The following CIART variants were observed in gnomAD, a reference collection of about 807,000 sequenced individuals.
The protein encoded by CIART is circadian-associated transcriptional repressor.
A neutral mutation model predicts 22.1 loss-of-function variants in CIART; 7 were observed. The ratio of observed to expected loss-of-function variants is 0.32; its 90% confidence interval spans 0.18 to 0.59. The LOEUF is 0.59. Among genes scored for constraint, CIART ranks in the 20% least tolerant of loss-of-function variants. The pLI is 0.86. For missense variants in CIART, 440 were observed against 478.0 expected (o/e 0.92, Z 0.74); for synonymous variants, 163 against 174.6 (o/e 0.93, Z 0.53).
At chr1:150,283,936 C>T in intron 2 of CIART, 56 bp downstream of exon 2, 1 of 1,367,886 alleles carries the variant, frequency 7.3e-7, no homozygotes, top group Non-Finnish European at 1.0e-6. Context: ...CTCTTTCCCT[C>T]TTTTGACGTG....
chr1:150,286,312 G>A (rs760383439), intron 4 of CIART, 118 bp from the exon 5 acceptor site: 63 of 889,912 alleles, frequency 7.1e-5, no homozygotes, highest in Middle Eastern at 5.4e-4. Flanking sequence ...TGCATAAAAC[G>A]AGGTATGTTT....
At position 150,284,873 on chromosome 1, in the gene CIART, TTTGTTG is replaced by T. The variant is rs3054391; in HGVS notation, c.633+186_633+191del. On this transcript the variant is annotated intron_variant, in intron 4 of 4. Coordinates refer to ENST00000290363, the MANE Select transcript of CIART (RefSeq NM_144697.4). Reference sequence around the variant, plus strand: ...CTGCATTGTCTTGATTCCTACATGTTTTGTTGTTGTTGTTGTTGTTGTTGTTTTGTT... The same window carrying T: ...CTGCATTGTCTTGATTCCTACATGTTTTGTTGTTGTTGTTGTTGTTTTGTT... 6.4e-5 allele frequency: 36 copies of T among 560,980 alleles called. 1 individual carries two copies. The highest frequency in any genetic ancestry group is 1.2e-4 in the African/African-American group (6 of 50,036). 34.8% of individuals were successfully genotyped at this position (560,980 alleles called of 1,614,324 possible).
rs1553854239 is a variant in CIART, at chr1:150,284,509, G to A, written c.521+5G>A. ...TTTGCAGAAGCCACAGATGGGGTAA[G>A]TCCCGCTGGTTCTTTGCTTGGGTCT... is the stretch of plus-strand genomic sequence containing the variant. On this transcript the variant is annotated splice_donor_5th_base_variant and intron_variant, in intron 3 of 4. Coordinates refer to ENST00000290363, the MANE Select transcript of CIART (RefSeq NM_144697.4). The A allele has an allele frequency of 6.2e-7, 1 of 1,606,578 alleles. No individual in the cohort carries two copies. Among genetic ancestry groups the A allele is most frequent in the Non-Finnish European group, 8.5e-7 (1 of 1,173,132 alleles).
Position 150,283,462 on chromosome 1 carries a change from G to T in CIART, c.195G>T (p.Arg65Ser). The change falls in exon 1 of 5, where the codon AGG becomes AGT. Residue 65 changes from arginine to serine, a missense_variant. Transcript: ENST00000290363. ...SRPSPGPIRC[R>S]HRSKVSGNQH... ...CCAGCCCGGGTCCTATCCGCTGCAGGCATCGATCGAAGGTTTCCGGTAACC... is the reference window on the plus strand; with the variant it reads ...CCAGCCCGGGTCCTATCCGCTGCAGTCATCGATCGAAGGTTTCCGGTAACC... The T allele has an allele frequency of 6.2e-7, 1 of 1,614,220 alleles. No individual in the cohort carries two copies. Among genetic ancestry groups the T allele is most frequent in the Non-Finnish European group, 8.5e-7 (1 of 1,180,048 alleles).
Position 150,286,685 on chromosome 1 carries a change from C to T in CIART, c.889C>T (p.Gln297Ter). 6.2e-7 allele frequency: 1 copy of T among 1,614,124 alleles called. No homozygotes were observed. ...CGGCATTGGCGTCATTCTTTTCCTC[C>T]AGCATGGAGTGCAACCCTTCACCCA... ...GTGIGVILFL[Q>*]HGVQPFTHSA... The change falls in exon 5 of 5, where the codon CAG becomes TAG. Residue 297 changes from glutamine (Q) to a stop codon, truncating the protein, a stop_gained. Transcript: ENST00000290363. LOFTEE classifies it low-confidence loss of function (END_TRUNC).
At chr1:150,283,922 C>T (rs1229052485) in intron 2 of CIART, 42 bp downstream of exon 2, 2 of 1,444,220 alleles carry the variant, frequency 1.4e-6, no homozygotes, top group Admixed American at 1.7e-5. Flanking sequence ...GTTCATTTCT[C>T]TTTCTCTTTC....
At chr1:150,283,952 CTCTGAAGT>C (rs1302405064) in intron 2 of CIART, 72 bp downstream of exon 2, 5 of 1,203,412 alleles carry the variant, frequency 4.2e-6, no homozygotes, top group Non-Finnish European at 6.1e-6. Context: ...ACGTGTATTT[CTCTGAAGT>C]TCTTGTTTGG....
Position 150,287,055 on chromosome 1 carries a change from TA to T in CIART, c.*104del. 1.7e-6 allele frequency: 2 copies of T among 1,196,528 alleles called. No individual in the cohort carries two copies. The highest frequency in any genetic ancestry group is 2.2e-6 in the Non-Finnish European group (2 of 900,074). The allele number at this position is 1,196,528 out of a possible 1,614,324, so 74.1% of individuals were successfully genotyped here. Reference sequence around the variant, plus strand: ...TGTGTGCATTTGTGTTGAGGGAAGATAAATCCTTTCTGATTAAAGAAATTTT... The same window carrying T: ...TGTGTGCATTTGTGTTGAGGGAAGATAATCCTTTCTGATTAAAGAAATTTT... On this transcript the variant is annotated 3_prime_UTR_variant, in exon 5 of 5. Coordinates refer to ENST00000290363, the MANE Select transcript of CIART (RefSeq NM_144697.4).
chr1:150,285,750 A>G (rs587680346), intron 4 of CIART, among the ~76,000 whole-genome samples: 1 of 151,726 alleles, frequency 6.6e-6, no homozygotes, highest in Non-Finnish European at 1.5e-5. Flanking sequence ...CCAAAGCAGG[A>G]GGATTGCTTG....
At chr1:150,284,905 T>G in intron 4 of CIART, 197 bp downstream of exon 4, 1 of 579,438 alleles carries the variant, frequency 1.7e-6, no homozygotes, top group Non-Finnish European at 3.0e-6. Flanking sequence ...TTGTTTTGTT[T>G]GAATCACTGG....
intron 4 of CIART, 82 bp from the exon 5 acceptor site, chr1:150,286,348 A>C: frequency 8.0e-7 from 1 of 1,256,244 alleles, no homozygotes; most frequent in Non-Finnish European, 1.1e-6. Flanking sequence ...TTCCCAAGGA[A>C]TGCAAAGGTT....
Position 150,283,220 on chromosome 1 carries a change from AT to A in CIART, c.-47del. ...CTTTGCTCTTCAGTTGCAGGTTCCG[AT>A]CTTTGGGTACTCCAGGAGCTGTTCT... On this transcript the variant is annotated 5_prime_UTR_variant, in exon 1 of 5. Coordinates refer to ENST00000290363, the MANE Select transcript of CIART (RefSeq NM_144697.4). The A allele has an allele frequency of 6.8e-7, 1 of 1,472,820 alleles. No individual in the cohort carries two copies. Among genetic ancestry groups the A allele is most frequent in the Non-Finnish European group, 9.0e-7 (1 of 1,106,596 alleles). The allele number at this position is 1,472,820 out of a possible 1,614,324, so 91.2% of individuals were successfully genotyped here.
chr1:150,282,806 T>G lies in CIART; in HGVS notation c.-462T>G, dbSNP rs587714039. On this transcript the variant is annotated 5_prime_UTR_variant, in exon 1 of 5. Transcript: ENST00000290363. ...AGGAGGCCAGTCTCTATGGGGGCGG[T>G]TCCCGTAGGATCACCAGGTGGGTTC... 1 of 153,142 alleles carries G rather than the reference T, an allele frequency of 6.5e-6. No homozygotes were observed. The highest frequency in any genetic ancestry group is 2.1e-4 in the South Asian group (1 of 4,850). 9.5% of individuals were successfully genotyped at this position (153,142 alleles called of 1,614,324 possible). A position where few individuals can be genotyped will look rare whatever the true frequency, so the allele number is the denominator to read the frequency against.
At chr1:150,283,673 C>T (rs946678261) in intron 1 of CIART, 40 bp downstream of exon 1, 3 of 1,604,208 alleles carry the variant, frequency 1.9e-6, no homozygotes. Flanking sequence ...CCTGGAGTGC[C>T]TTAGCACCCA....
Position 150,283,891 on chromosome 1 carries a change from T to C in CIART, c.442+11T>C, listed in dbSNP as rs1653309397. On this transcript the variant is annotated intron_variant, in intron 2 of 4. Coordinates refer to ENST00000290363, the MANE Select transcript of CIART (RefSeq NM_144697.4). Reference sequence around the variant, plus strand: ...GTCGTTTTGAGAGAGGTAATCTTATTGTTGCATTCATTTGGGCTAGGTTCA... The same window carrying C: ...GTCGTTTTGAGAGAGGTAATCTTATCGTTGCATTCATTTGGGCTAGGTTCA... The C allele has an allele frequency of 1.9e-6, 3 of 1,544,780 alleles. No homozygotes were observed. Among genetic ancestry groups the C allele is most frequent in the Admixed American group, 1.7e-5 (1 of 59,498 alleles).
chr1:150,284,693 G>A lies in CIART; in HGVS notation c.618G>A (p.Lys206=). ...AAQKSSLGGG[K]HQLTKHFPSH... is the part of the protein sequence containing the mutation. ...AGAAGTCATCATTGGGTGGTGGCAA[G>A]CATCAGCTGACCAAGGTAAGAACTT... The change falls in exon 4 of 5, where the codon AAG becomes AAA. Residue 206 remains lysine (K), a synonymous_variant. Coordinates refer to ENST00000290363, the MANE Select transcript of CIART (RefSeq NM_144697.4). 1 of 1,611,904 alleles carries A rather than the reference G, an allele frequency of 6.2e-7. No homozygotes were observed. Among genetic ancestry groups the A allele is most frequent in the Non-Finnish European group, 8.5e-7 (1 of 1,177,958 alleles).
At chr1:150,283,704 T>C in intron 1 of CIART, 71 bp downstream of exon 1, 1 of 1,572,814 alleles carries the variant, frequency 6.4e-7, no homozygotes, top group African/African-American at 1.4e-5. Flanking sequence ...AAGGACCCTG[T>C]GAGGACAGTA....
chr1:150,284,410 C>T lies in CIART; in HGVS notation c.443-16C>T. On this transcript the variant is annotated splice_polypyrimidine_tract_variant and intron_variant, in intron 2 of 4. Transcript: ENST00000290363. ...TTGAATCTCAATCCTTAATCTCTCTCTGTCCCTGTCCCCAGGATTAAGCAG... is the reference window on the plus strand; with the variant it reads ...TTGAATCTCAATCCTTAATCTCTCTTTGTCCCTGTCCCCAGGATTAAGCAG... The T allele has an allele frequency of 6.4e-7, 1 of 1,570,660 alleles. No homozygotes were observed. Among genetic ancestry groups the T allele is most frequent in the Non-Finnish European group, 8.8e-7 (1 of 1,140,520 alleles).
Position 150,286,710 on chromosome 1 carries a change from A to G in CIART, c.914A>G (p.His305Arg). The G allele has an allele frequency of 6.2e-7, 1 of 1,612,946 alleles. No individual in the cohort carries two copies. The highest frequency in any genetic ancestry group is 8.5e-7 in the Non-Finnish European group (1 of 1,179,654). ...FLQHGVQPFTHSAPTTPVPPT... is the reference protein window; with the variant it reads ...FLQHGVQPFTRSAPTTPVPPT... ...CAGCATGGAGTGCAACCCTTCACCCACTCTGCCCCAACCACCCCAGTCCCA... is the reference window on the plus strand; with the variant it reads ...CAGCATGGAGTGCAACCCTTCACCCGCTCTGCCCCAACCACCCCAGTCCCA... The change falls in exon 5 of 5, where the codon CAC (histidine) becomes CGC (arginine). Residue 305 changes from histidine (H) to arginine (R), a missense_variant. Coordinates refer to ENST00000290363, the MANE Select transcript of CIART (RefSeq NM_144697.4).
Sources: gnomAD v4.1 joint callset for allele counts (sites outside exome capture counted in the v4.1 genomes callset) on GRCh38, gnomAD v4.1.1 for gene constraint, MANE v1.5 for transcripts, NCBI Gene and HGNC (gene_info 2026-07-23, HGNC 2026-07-21) for gene names.